The following TENM1 variants were observed in gnomAD, a reference collection of about 807,000 sequenced individuals.
The protein encoded by TENM1 is teneurin transmembrane protein 1, also known as teneurin-1.
A neutral mutation model predicts 174.8 loss-of-function variants in TENM1; 35 were observed. The ratio of observed to expected loss-of-function variants is 0.20; its 90% CI spans 0.15 to 0.27. The LOEUF is 0.27. Ranked by LOEUF, TENM1 falls within the 10% of genes least tolerant of loss-of-function variation. TENM1 has a pLI of 1.00. For missense variants in TENM1, 1,633 were observed against 2,130.1 expected (o/e 0.77, Z 4.59); for synonymous variants, 781 against 798.7 (o/e 0.98, Z 0.37).
chrX:125,031,419 C>T, the TENM1 span, among the ~76,000 whole-genome samples: 1 of 111,840 alleles, frequency 8.9e-6, no homozygotes, highest in African/African-American at 3.2e-5. Flanking sequence ...TAAGGACATA[C>T]ATCTTTCCCT....
intron 9 of TENM1, among the ~76,000 whole-genome samples, chrX:124,645,755 G>C (rs1219743100): frequency 1.8e-5 from 2 of 112,252 alleles, no homozygotes; most frequent in African/African-American, 6.5e-5. Flanking sequence ...TAATTAAATA[G>C]ATTTCTATTG....
chrX:124,740,507 A>G (rs1191706767), intron 3 of TENM1, among the ~76,000 whole-genome samples: 1 of 111,706 alleles, frequency 9.0e-6, no homozygotes, highest in African/African-American at 3.3e-5. Context: ...ATATCCATAT[A>G]CATATATGGA....
chrX:124,617,058 T>A (rs1194683264), intron 11 of TENM1, among the ~76,000 whole-genome samples: 1 of 112,106 alleles, frequency 8.9e-6, no homozygotes, highest in African/African-American at 3.2e-5. Context: ...GTTATTAAGA[T>A]CCTTATAGTC....
the TENM1 span, among the ~76,000 whole-genome samples, chrX:125,159,933 C>T: frequency 3.6e-5 from 4 of 111,598 alleles, no homozygotes; most frequent in East Asian, 8.5e-4. Flanking sequence ...GGCATGGTGG[C>T]TCACGCCTGT....
At chrX:124,696,399 T>C (rs2052650136) in intron 5 of TENM1, among the ~76,000 whole-genome samples, 1 of 111,682 alleles carries the variant, frequency 9.0e-6, no homozygotes, top group Non-Finnish European at 1.9e-5. Context: ...CTTCAGAGGA[T>C]TAGGGTTCAA....
chrX:124,553,981 C>T (rs2148139509), intron 14 of TENM1, among the ~76,000 whole-genome samples: 1 of 110,937 alleles, frequency 9.0e-6, no homozygotes. Context: ...GGGTGGCATG[C>T]ACCTATAGTT....
chrX:125,103,773 G>A, the TENM1 span, among the ~76,000 whole-genome samples: 2 of 112,140 alleles, frequency 1.8e-5, no homozygotes, highest in African/African-American at 6.5e-5. Context: ...GTCACTTGAG[G>A]TCAGGAGCTC....
the TENM1 span, among the ~76,000 whole-genome samples, chrX:124,983,665 G>A: frequency 9.0e-6 from 1 of 111,352 alleles, no homozygotes; most frequent in Non-Finnish European, 1.9e-5. Flanking sequence ...CTGTCACCCA[G>A]GCTGGAGTGC....
At chrX:124,664,679 GGTGTGTGTGTGTGTGTGTGT>G (rs576286188) in intron 6 of TENM1, among the ~76,000 whole-genome samples, 7 of 86,970 alleles carry the variant, frequency 8.0e-5, no homozygotes, top group African/African-American at 1.7e-4. Context: ...GTACTTGTGG[GGTGTGTGTGTGTGTGTGTGT>G]GTGTGTGTGT....
chrX:124,676,022 G>A (rs2052065615), intron 5 of TENM1, among the ~76,000 whole-genome samples: 1 of 106,214 alleles, frequency 9.4e-6, no homozygotes, highest in African/African-American at 3.4e-5. Context: ...GAAAGGCAAA[G>A]AGTGGTAGGA....
chrX:125,060,198 C>T, the TENM1 span, among the ~76,000 whole-genome samples: 2 of 109,098 alleles, frequency 1.8e-5, no homozygotes, highest in African/African-American at 3.4e-5. Flanking sequence ...CACACACACA[C>T]ACACACACAC....
chrX:124,526,054 C>G (rs1371372881), intron 16 of TENM1, among the ~76,000 whole-genome samples: 1 of 111,775 alleles, frequency 8.9e-6, no homozygotes, highest in Non-Finnish European at 1.9e-5. Flanking sequence ...TATGATCGTT[C>G]ATTTTATATC....
At chrX:124,436,751 C>A (rs6648602) in intron 23 of TENM1, among the ~76,000 whole-genome samples, 1 of 110,474 alleles carries the variant, frequency 9.1e-6, no homozygotes, top group Non-Finnish European at 1.9e-5. Context: ...CTCCAACTTT[C>A]TAGGTTCTGA....
chrX:124,840,407 T>A (rs775293070), intron 3 of TENM1, among the ~76,000 whole-genome samples: 1 of 111,966 alleles, frequency 8.9e-6, no homozygotes, highest in Admixed American at 9.5e-5. Context: ...CTATTCAATT[T>A]GCAATGAGAC....
chrX:124,795,397 C>A (rs2055280439), intron 3 of TENM1, among the ~76,000 whole-genome samples: 1 of 112,095 alleles, frequency 8.9e-6, no homozygotes, highest in South Asian at 3.6e-4. Flanking sequence ...GCTTATAATT[C>A]CTGCATAATT....
At chrX:124,590,370 C>T (rs1037748833) in intron 11 of TENM1, among the ~76,000 whole-genome samples, 1 of 109,756 alleles carries the variant, frequency 9.1e-6, no homozygotes, top group African/African-American at 3.3e-5. Context: ...TGAGTGAACT[C>T]CCATTCACAA....
chrX:125,028,713 G>C, the TENM1 span, among the ~76,000 whole-genome samples: 1 of 111,493 alleles, frequency 9.0e-6, no homozygotes, highest in African/African-American at 3.3e-5. Flanking sequence ...TATCAGAAAT[G>C]TTCACAATGA....
chrX:124,385,658 C>T lies in TENM1; in HGVS notation c.6076+19G>A, dbSNP rs1053863420. The T allele has an allele frequency of 2.6e-6, 3 of 1,173,725 alleles. No individual in the cohort carries two copies. Among genetic ancestry groups the T allele is most frequent in the Non-Finnish European group, 3.4e-6 (3 of 872,353 alleles). On this transcript the variant is annotated intron_variant, in intron 29 of 31. Transcript: ENST00000422452. The stretch of plus-strand genomic sequence containing the variant: ...AATAGTGATGTTGTTGTACACACCA[C>T]CACTCTTTCACAACAAACCTGTTTG...
At chrX:124,467,537 C>T (rs904928306) in intron 22 of TENM1, among the ~76,000 whole-genome samples, 3 of 111,700 alleles carry the variant, frequency 2.7e-5, no homozygotes, top group South Asian at 3.8e-4. Flanking sequence ...CAGAAAATAA[C>T]GGATTAATGC....
Sources: gnomAD v4.1 joint callset for allele counts (sites outside exome capture counted in the v4.1 genomes callset) on GRCh38, gnomAD v4.1.1 for gene constraint, MANE v1.5 for transcripts, NCBI Gene and HGNC (gene_info 2026-07-23, HGNC 2026-07-21) for gene names.